The following ZBTB8OS variants were observed in gnomAD, a reference collection of about 807,000 sequenced individuals.
The protein encoded by ZBTB8OS is tRNA splicing ligase complex subunit 1.
A neutral mutation model predicts 29.3 loss-of-function variants in ZBTB8OS; 16 were observed. The observed-to-expected ratio is 0.55, with a 90% CI of 0.37 to 0.83. The LOEUF (loss-of-function observed/expected upper bound fraction) is 0.83. Among genes scored for constraint, ZBTB8OS ranks in the 40% least tolerant of loss-of-function variants. The pLI, the probability that ZBTB8OS is intolerant of heterozygous loss-of-function variation, is 0.00. For synonymous variants in ZBTB8OS, 70 were observed against 64.6 expected (o/e 1.08, Z -0.40); for missense variants, 160 against 196.9 (o/e 0.81, Z 1.12).
intron 1 of ZBTB8OS, among the ~76,000 whole-genome samples, chr1:32,635,866 C>A (rs963481402): frequency 5.3e-5 from 8 of 152,148 alleles, no homozygotes; most frequent in African/African-American, 1.7e-4. Flanking sequence ...GAAAAGACCC[C>A]CTTCTTGCCT....
In ZBTB8OS at chr1:32,627,542, C is replaced by T. The variant is rs1278257035; in HGVS notation, c.383G>A (p.Trp128Ter). Residue 128 changes from tryptophan to a stop codon, truncating the protein, a stop_gained and splice_region_variant, in exon 6 of 7, where the codon TGG (tryptophan) becomes TAG (stop). Coordinates refer to ENST00000468695, the MANE Select transcript of ZBTB8OS (RefSeq NM_178547.5). LOFTEE classifies it high-confidence loss of function. ...CTTGGACAATGAAAATTCTTCTCCC[C>T]ACCTTGAGAATACAAATTAAAACAT... Reference protein sequence around the residue: ...QRNFKLRSIGWGEEFSLSKHP... With the variant: ...QRNFKLRSIG 1.2e-6 allele frequency: 2 copies of T among 1,613,240 alleles called. No individual in the cohort carries two copies. The highest frequency in any genetic ancestry group is 1.3e-5 in the African/African-American group (1 of 74,898).
chr1:32,633,830 GA>G, intron 3 of ZBTB8OS, 103 bp from the exon 4 acceptor site: 1 of 1,469,782 alleles, frequency 6.8e-7, no homozygotes, highest in Non-Finnish European at 9.1e-7. Flanking sequence ...TAAAGAGAAA[GA>G]AAAGACTCAT....
At position 32,648,547 on chromosome 1, in the gene ZBTB8OS, C is replaced by T. The variant is rs1215301297; in HGVS notation, c.97+1886G>A. 2.6e-5 allele frequency among the ~76,000 whole-genome samples: 4 copies of T among 152,110 alleles called. 1 individual carries two copies. The South Asian group carries it at 6.2e-4, about 24-fold the overall frequency. Reference sequence around the variant, plus strand: ...GTATGTACATGTAAGAAAAAGGTAACGATGACTGCTCTACAGAGGGGGACT... The same window carrying T: ...GTATGTACATGTAAGAAAAAGGTAATGATGACTGCTCTACAGAGGGGGACT... On this transcript the variant is annotated intron_variant, in intron 1 of 6. Coordinates refer to ENST00000468695, the MANE Select transcript of ZBTB8OS (RefSeq NM_178547.5).
chr1:32,644,021 A>C (rs2148454285), intron 1 of ZBTB8OS, among the ~76,000 whole-genome samples: 1 of 152,018 alleles, frequency 6.6e-6, no homozygotes, highest in East Asian at 1.9e-4. Flanking sequence ...GCCCCAAGGA[A>C]GGGGCTTGAT....
In ZBTB8OS at chr1:32,633,393, C is replaced by T. The variant is rs146042988; in HGVS notation, c.327+252G>A. ...AAACAGAAAAAAATGTGGATGAAAA[C>T]TGTAGGTACATTTTTATCACACAAT... On this transcript the variant is annotated intron_variant, in intron 4 of 6. Transcript: ENST00000468695. 382 of 375,506 alleles carry T rather than the reference C, an allele frequency of 1.0e-3. 7 individuals carry two copies. The East Asian group carries it at 0.019, about 19-fold the overall frequency. The allele number at this position is 375,506 out of a possible 1,614,324, so 23.3% of individuals were successfully genotyped here.
At chr1:32,635,944 G>C (rs570203267) in intron 1 of ZBTB8OS, among the ~76,000 whole-genome samples, 1 of 152,042 alleles carries the variant, frequency 6.6e-6, no homozygotes, top group Non-Finnish European at 1.5e-5. Context: ...AGAGTTTAAG[G>C]GTCATGTAGC....
At chr1:32,638,127 G>A (rs1268255594) in intron 1 of ZBTB8OS, among the ~76,000 whole-genome samples, 1 of 151,404 alleles carries the variant, frequency 6.6e-6, no homozygotes, top group Non-Finnish European at 1.5e-5. Context: ...CTGAGCCACC[G>A]CGCCCAGACT....
intron 1 of ZBTB8OS, among the ~76,000 whole-genome samples, chr1:32,647,071 A>AAAAAAAC (rs1646902409): frequency 7.2e-6 from 1 of 138,828 alleles, no homozygotes; most frequent in South Asian, 2.2e-4. Flanking sequence ...AAAAAAAAAA[A>AAAAAAAC]AATGCCAGGC....
At position 32,621,589 on chromosome 1, in the gene ZBTB8OS, G is replaced by A. The variant is rs116798105; in HGVS notation, c.*273C>T. On this transcript the variant is annotated 3_prime_UTR_variant, in exon 7 of 7. Transcript: ENST00000468695. ...GGCTTGCATTGCACTGGAAGGGCATGAGGCACACCTACTGCCACAGCAGAG... is the reference window on the plus strand; with the variant it reads ...GGCTTGCATTGCACTGGAAGGGCATAAGGCACACCTACTGCCACAGCAGAG... The A allele has an allele frequency of 9.0e-3, 3,411 of 379,402 alleles. 109 individuals are homozygous for A. The highest frequency in any genetic ancestry group is 0.064 in the African/African-American group (2,998 of 46,498). 23.5% of individuals were successfully genotyped at this position (379,402 alleles called of 1,614,324 possible). A position where few individuals can be genotyped will look rare whatever the true frequency, so the allele number is the denominator to read the frequency against.
chr1:32,633,917 A>G lies in ZBTB8OS; in HGVS notation c.244+34T>C, dbSNP rs185331788. The G allele has an allele frequency of 1.0e-4, 161 of 1,545,936 alleles. No individual in the cohort carries two copies. In the African/African-American group the frequency reaches 2.0e-3, roughly 19 times the overall value. Reference sequence around the variant, plus strand: ...ACTGCACAATTCTATACAGTACTGTATAACAATTTCTTCCTTGTGAATAAA... The same window carrying G: ...ACTGCACAATTCTATACAGTACTGTGTAACAATTTCTTCCTTGTGAATAAA... On this transcript the variant is annotated intron_variant, in intron 3 of 6. Transcript: ENST00000468695.
At chr1:32,625,550 A>AAACC (rs1645066586) in intron 6 of ZBTB8OS, among the ~76,000 whole-genome samples, 1 of 151,222 alleles carries the variant, frequency 6.6e-6, no homozygotes, top group Admixed American at 6.6e-5. Context: ...AAAACAAAAC[A>AAACC]AAACAAAACA....
rs1046503993 is a variant in ZBTB8OS, at chr1:32,628,968, C to T, written c.381-1424G>A. Among the ~76,000 whole-genome samples the T allele has an allele frequency of 2.6e-5, 4 of 152,124 alleles. No homozygotes were observed. In the East Asian group the frequency reaches 7.7e-4, roughly 29 times the overall value. The stretch of plus-strand genomic sequence containing the variant: ...ACAAACAAAAAATTAATTTTAAAAA[C>T]TTTAAAAAAAGGTTGATAGTTGATC... On this transcript the variant is annotated intron_variant, in intron 5 of 6. Coordinates refer to ENST00000468695, the MANE Select transcript of ZBTB8OS (RefSeq NM_178547.5).
At position 32,626,553 on chromosome 1, in the gene ZBTB8OS, T is replaced by C. The variant is rs540436297; in HGVS notation, c.417+955A>G. Among the ~76,000 whole-genome samples, 4 of 150,752 alleles carry C rather than the reference T, an allele frequency of 2.7e-5. No homozygotes were observed. The South Asian group carries it at 8.3e-4, about 31-fold the overall frequency. The stretch of plus-strand genomic sequence containing the variant: ...TTTTTACATCTTTATTTATTTACTT[T>C]TATTTTATTTTTTTGAGACCAGTCT... On this transcript the variant is annotated intron_variant, in intron 6 of 6. Transcript: ENST00000468695.
At position 32,621,128 on chromosome 1, in the gene ZBTB8OS, T is replaced by C. The variant is rs1020839714; in HGVS notation, c.*734A>G. On this transcript the variant is annotated 3_prime_UTR_variant, in exon 7 of 7. Transcript: ENST00000468695. Reference sequence around the variant, plus strand: ...AAAATCTATGTCTTGTGGCCGGGCATGGTAGCTCATGCCTGTAATCGCAGT... The same window carrying C: ...AAAATCTATGTCTTGTGGCCGGGCACGGTAGCTCATGCCTGTAATCGCAGT... 7 of 152,242 alleles carry C rather than the reference T, an allele frequency of 4.6e-5. No individual in the cohort carries two copies. The highest frequency in any genetic ancestry group is 1.9e-4 in the East Asian group (1 of 5,186). The allele number at this position is 152,242 out of a possible 1,614,324, so 9.4% of individuals were successfully genotyped here. A position where few individuals can be genotyped will look rare whatever the true frequency, so the allele number is the denominator to read the frequency against.
intron 1 of ZBTB8OS, among the ~76,000 whole-genome samples, chr1:32,643,370 G>A (rs1291364520): frequency 7.2e-6 from 1 of 139,850 alleles, no homozygotes; most frequent in Non-Finnish European, 1.5e-5. Flanking sequence ...ACTGCACTTG[G>A]CCTTTAGTTT....
In ZBTB8OS at chr1:32,650,479, C is replaced by T; in HGVS notation, c.51G>A (p.Gln17=). The change falls in exon 1 of 7, where the codon CAG becomes CAA. Residue 17 remains glutamine, a synonymous_variant. Coordinates refer to ENST00000468695, the MANE Select transcript of ZBTB8OS (RefSeq NM_178547.5). ...GCGGATACTTGGCCTTGATCGCCTT[C>T]TGTTCTTCAGTCAAATTGTAATCTC... The part of the protein sequence containing the change: ...DVRDYNLTEE[Q]KAIKAKYPPV... 1.9e-6 allele frequency: 3 copies of T among 1,614,194 alleles called. No individual in the cohort carries two copies. Among genetic ancestry groups the T allele is most frequent in the Non-Finnish European group, 2.5e-6 (3 of 1,180,030 alleles).
chr1:32,647,310 G>A (rs551145869), intron 1 of ZBTB8OS, among the ~76,000 whole-genome samples: 2 of 150,624 alleles, frequency 1.3e-5, no homozygotes, highest in South Asian at 4.2e-4. Context: ...GGTGGTGCAT[G>A]TCTGTAGTCC....
At chr1:32,637,546 T>C (rs1032853910) in intron 1 of ZBTB8OS, among the ~76,000 whole-genome samples, 2 of 150,532 alleles carry the variant, frequency 1.3e-5, no homozygotes, top group African/African-American at 4.9e-5. Flanking sequence ...CCAGTGTGGG[T>C]GACAGAGCAA....
chr1:32,644,635 C>G (rs1236911845), intron 1 of ZBTB8OS, among the ~76,000 whole-genome samples: 1 of 141,942 alleles, frequency 7.0e-6, no homozygotes, highest in Non-Finnish European at 1.5e-5. Flanking sequence ...TGAGCTCAAA[C>G]AATCCTTCTG....
Sources: allele counts gnomAD v4.1 joint callset (sites outside exome capture counted in the v4.1 genomes callset), GRCh38; gene constraint gnomAD v4.1.1; transcripts MANE v1.5; gene names NCBI Gene and HGNC (gene_info 2026-07-23, HGNC 2026-07-21).